The following MTHFD1L variants were observed in gnomAD, a reference collection of about 807,000 sequenced individuals.
The protein encoded by MTHFD1L is monofunctional C1-tetrahydrofolate synthase, mitochondrial.
MTHFD1L carries 81 observed loss-of-function variants against 119.5 expected under a neutral mutation model. The ratio of observed to expected loss-of-function variants is 0.68; its 90% CI spans 0.57 to 0.82. The LOEUF (loss-of-function observed/expected upper bound fraction) is 0.82. Among genes scored for constraint, MTHFD1L ranks in the 40% least tolerant of loss-of-function variants. The probability of loss-of-function intolerance (pLI) is 0.00; values close to 1 mark genes in which losing one functional copy is unlikely to be tolerated. For missense variants in MTHFD1L, 1,125 were observed against 1,253.4 expected (o/e 0.90, Z 1.55); for synonymous variants, 430 against 475.2 (o/e 0.90, Z 1.24).
At chr6:150,875,159 G>A (rs1029176413) in intron 1 of MTHFD1L, among the ~76,000 whole-genome samples, 1 of 151,944 alleles carries the variant, frequency 6.6e-6, no homozygotes, top group African/African-American at 2.4e-5. Context: ...GGGCTCAAGC[G>A]GTCCTCCAGC....
chr6:150,996,175 C>T (rs563009469), intron 20 of MTHFD1L, among the ~76,000 whole-genome samples: 2 of 152,196 alleles, frequency 1.3e-5, no homozygotes, highest in African/African-American at 4.8e-5. Flanking sequence ...CAGCAGGGTG[C>T]CTTCTTGGGC....
intron 26 of MTHFD1L, among the ~76,000 whole-genome samples, chr6:151,066,818 A>G (rs945498852): frequency 4.6e-5 from 7 of 151,956 alleles, no homozygotes; most frequent in African/African-American, 1.7e-4. Flanking sequence ...CCAAAGAGCC[A>G]TCCTTTCGCT....
chr6:151,051,036 G>A (rs544931643), intron 26 of MTHFD1L, among the ~76,000 whole-genome samples: 3 of 152,050 alleles, frequency 2.0e-5, no homozygotes, highest in Non-Finnish European at 2.9e-5. Context: ...AGGTTGATGG[G>A]TGGGGCTGAA....
intron 24 of MTHFD1L, among the ~76,000 whole-genome samples, chr6:151,019,421 C>T (rs1261909620): frequency 6.6e-6 from 1 of 150,584 alleles, no homozygotes; most frequent in Non-Finnish European, 1.5e-5. Flanking sequence ...CTAACATGAA[C>T]CCTTTTCCTT....
At chr6:150,994,443 C>T (rs1779548869) in intron 20 of MTHFD1L, among the ~76,000 whole-genome samples, 1 of 152,144 alleles carries the variant, frequency 6.6e-6, no homozygotes, top group South Asian at 2.1e-4. Flanking sequence ...TGCCAATCCA[C>T]TGTCAGCGTG....
chr6:150,935,051 G>A, intron 11 of MTHFD1L: 1 of 1,613,758 alleles, frequency 6.2e-7, no homozygotes, highest in Non-Finnish European at 8.5e-7. Flanking sequence ...TCTGGGTTTG[G>A]ACTGTGCTGG....
intron 26 of MTHFD1L, among the ~76,000 whole-genome samples, chr6:151,087,736 A>C (rs978561674): frequency 2.6e-5 from 4 of 152,208 alleles, no homozygotes; most frequent in African/African-American, 9.7e-5. Flanking sequence ...TTCTCTCTGT[A>C]CAGATTTTTA....
chr6:151,052,123 C>T (rs1318506979), intron 26 of MTHFD1L, among the ~76,000 whole-genome samples: 6 of 152,196 alleles, frequency 3.9e-5, no homozygotes, highest in African/African-American at 1.4e-4. Flanking sequence ...AGATAAACGA[C>T]TTCAAACCGG....
rs1168525583 is a variant in MTHFD1L at position 150,964,986 on chromosome 6, G to A, written c.1962G>A (p.Leu654=). 4 of 1,613,868 alleles carry A rather than the reference G, an allele frequency of 2.5e-6. No homozygotes were observed. The highest frequency in any genetic ancestry group is 3.4e-6 in the Non-Finnish European group (4 of 1,179,914). The stretch of plus-strand genomic sequence containing the variant: ...TCCTGTAGGGGGTGACAGGTGCTTT[G>A]ACAGTTTTGATGAAAGATGCAATAA... The part of the protein sequence containing the change: ...TADDLGVTGA[L]TVLMKDAIKP... Residue 654 remains leucine (L), a synonymous_variant, in exon 19 of 28, where the codon TTG becomes TTA. Transcript: ENST00000367321.
chr6:151,031,516 C>T (rs769259756), intron 24 of MTHFD1L, among the ~76,000 whole-genome samples: 1 of 152,194 alleles, frequency 6.6e-6, no homozygotes, highest in Non-Finnish European at 1.5e-5. Flanking sequence ...ATGAAGGCTT[C>T]GTGGAGGAGG....
chr6:151,023,023 TGTTG>T (rs770691159), intron 24 of MTHFD1L, among the ~76,000 whole-genome samples: 2 of 151,008 alleles, frequency 1.3e-5, no homozygotes, highest in Non-Finnish European at 3.0e-5. Context: ...TTTTTTTGTT[TGTTG>T]GTTGGTTGGT....
At chr6:150,890,350 T>C (rs1783039086) in intron 7 of MTHFD1L, among the ~76,000 whole-genome samples, 1 of 152,102 alleles carries the variant, frequency 6.6e-6, no homozygotes, top group African/African-American at 2.4e-5. Flanking sequence ...CCCTTTCTGC[T>C]GTCAGGGCTG....
intron 18 of MTHFD1L, among the ~76,000 whole-genome samples, chr6:150,963,302 T>C (rs1796723324): frequency 6.6e-6 from 1 of 152,214 alleles, no homozygotes. Context: ...TACACTGAGG[T>C]AGATTCCAGT....
chr6:151,091,960 A>C (rs973365738), intron 26 of MTHFD1L, among the ~76,000 whole-genome samples: 8 of 152,174 alleles, frequency 5.3e-5, no homozygotes, highest in African/African-American at 1.9e-4. Flanking sequence ...ATCACAAAGC[A>C]AGCTCTCAGT....
At chr6:151,007,744 T>C (rs1274945802) in intron 20 of MTHFD1L, among the ~76,000 whole-genome samples, 1 of 152,206 alleles carries the variant, frequency 6.6e-6, no homozygotes, top group Non-Finnish European at 1.5e-5. Context: ...CACCAACGGC[T>C]AAAGTTAACA....
chr6:151,025,099 T>C (rs544446931), intron 24 of MTHFD1L, among the ~76,000 whole-genome samples: 6 of 152,382 alleles, frequency 3.9e-5, no homozygotes, highest in African/African-American at 1.4e-4. Flanking sequence ...GCAGCTTTTC[T>C]AGCGGCGAGC....
intron 21 of MTHFD1L, among the ~76,000 whole-genome samples, chr6:151,012,698 A>G (rs1782475472): frequency 6.6e-6 from 1 of 152,206 alleles, no homozygotes; most frequent in African/African-American, 2.4e-5. Context: ...TTCTTCACAC[A>G]TAGAACCAAT....
intron 26 of MTHFD1L, chr6:151,057,350 TGAGA>T (rs1790093737): frequency 1.0e-6 from 1 of 985,346 alleles, no homozygotes; most frequent in Non-Finnish European, 1.2e-6. Flanking sequence ...CTTTAAGGCC[TGAGA>T]GACCGGCCAG....
intron 24 of MTHFD1L, among the ~76,000 whole-genome samples, chr6:151,016,572 C>A (rs994759206): frequency 6.6e-6 from 1 of 151,856 alleles, no homozygotes; most frequent in Non-Finnish European, 1.5e-5. Context: ...TCACCCACCT[C>A]GGCCTCCCAA....
Sources: gnomAD v4.1 joint callset for allele counts (sites outside exome capture counted in the v4.1 genomes callset) on GRCh38, gnomAD v4.1.1 for gene constraint, MANE v1.5 for transcripts, NCBI Gene and HGNC (gene_info 2026-07-23, HGNC 2026-07-21) for gene names.